Variants in BICC1 observed in about 807,000 individuals in gnomAD.
The protein encoded by BICC1 is BicC family RNA binding protein 1.
In BICC1, 43 loss-of-function variants were observed where a neutral mutation model predicts 111.0. That is an observed-to-expected ratio of 0.39 (90% CI 0.30 to 0.50). The LOEUF (loss-of-function observed/expected upper bound fraction) is 0.50, where lower values mean the gene tolerates loss of function less well. Among genes scored for constraint, BICC1 ranks in the 20% least tolerant of loss-of-function variants. The probability of loss-of-function intolerance (pLI) is 0.88; values close to 1 mark genes in which losing one functional copy is unlikely to be tolerated. For missense variants in BICC1, 1,091 were observed against 1,203.2 expected, an observed-to-expected ratio of 0.91 and a Z score of 1.38; for synonymous variants, 467 against 434.4, an observed-to-expected ratio of 1.07 and a Z score of -0.93.
intron 10 of BICC1, among the ~76,000 whole-genome samples, chr10:58,797,603 C>T (rs931383562): frequency 6.6e-6 from 1 of 152,132 alleles, no homozygotes; most frequent in Non-Finnish European, 1.5e-5. Flanking sequence ...CCTAGTTCAT[C>T]CTGCACTACA....
At chr10:58,624,270 T>C (rs918732207) in intron 2 of BICC1, among the ~76,000 whole-genome samples, 9 of 152,206 alleles carry the variant, frequency 5.9e-5, no homozygotes, top group African/African-American at 2.2e-4. Context: ...GTTCATCTTA[T>C]TATACATCTG....
chr10:58,811,915 C>G (rs1361641016), intron 17 of BICC1, among the ~76,000 whole-genome samples: 23 of 152,130 alleles, frequency 1.5e-4, no homozygotes, highest in Non-Finnish European at 3.2e-4. Context: ...CGGTGAGTTC[C>G]TGAAGCCGAG....
chr10:58,800,107 G>T, intron 12 of BICC1, 87 bp from the exon 13 acceptor site: 1 of 1,056,422 alleles, frequency 9.5e-7, no homozygotes. Flanking sequence ...TCTTTTTCGT[G>T]GCTGTTATAA....
chr10:58,651,467 ATGT>A (rs1427574036), intron 2 of BICC1, among the ~76,000 whole-genome samples: 1 of 152,132 alleles, frequency 6.6e-6, no homozygotes, highest in Non-Finnish European at 1.5e-5. Context: ...TCCTGTTCAG[ATGT>A]TGTTTCTCTC....
chr10:58,593,082 A>G (rs751278541), intron 1 of BICC1, among the ~76,000 whole-genome samples: 1 of 151,850 alleles, frequency 6.6e-6, no homozygotes, highest in Non-Finnish European at 1.5e-5. Context: ...ACCATTGCCT[A>G]TGCTTGAGTA....
chr10:58,710,862 T>G (rs544609292), intron 3 of BICC1, among the ~76,000 whole-genome samples: 1 of 152,236 alleles, frequency 6.6e-6, no homozygotes, highest in Non-Finnish European at 1.5e-5. Flanking sequence ...GTTGTTCTTG[T>G]TTTTGAGATA....
intron 1 of BICC1, among the ~76,000 whole-genome samples, chr10:58,618,635 G>A (rs918598441): frequency 3.9e-5 from 6 of 152,136 alleles, no homozygotes; most frequent in Admixed American, 1.3e-4. Context: ...CGCTTGGTCT[G>A]GAACCTGACA....
chr10:58,601,140 T>TAATATATATATATATAGATA (rs1554810885), intron 1 of BICC1, among the ~76,000 whole-genome samples: 1 of 100,672 alleles, frequency 9.9e-6, no homozygotes, highest in Admixed American at 1.3e-4. Context: ...ATTTTAAAAC[T>TAATATATATATATATAGATA]TATATATATA....
At chr10:58,513,805 T>C (rs1842166911) in intron 1 of BICC1, among the ~76,000 whole-genome samples, 1 of 152,268 alleles carries the variant, frequency 6.6e-6, no homozygotes, top group Admixed American at 6.5e-5. Context: ...TGTCTCACTA[T>C]TGGGAAACGC....
intron 3 of BICC1, among the ~76,000 whole-genome samples, chr10:58,722,032 A>G (rs1840954796): frequency 6.6e-6 from 1 of 152,250 alleles, no homozygotes; most frequent in African/African-American, 2.4e-5. Flanking sequence ...ACTTGACAGT[A>G]ATGAGCTTTA....
At chr10:58,814,184 C>T (rs1245917550) in intron 18 of BICC1, 198 bp downstream of exon 18, 10 of 673,086 alleles carry the variant, frequency 1.5e-5, no homozygotes, top group African/African-American at 3.6e-5. Flanking sequence ...CCATTTTGTG[C>T]GTGCTTTCAC....
chr10:58,789,146 A>G lies in BICC1; in HGVS notation c.601-116A>G, dbSNP rs937580293. ...TATAATGTAGCTAAACTTAATATCTATAAGGGCAGTTTATGCTTTAAAATC... is the reference window on the plus strand; with the variant it reads ...TATAATGTAGCTAAACTTAATATCTGTAAGGGCAGTTTATGCTTTAAAATC... On this transcript the variant is annotated intron_variant, in intron 6 of 20. Coordinates refer to ENST00000373886, the MANE Select transcript of BICC1 (RefSeq NM_001080512.3). The G allele has an allele frequency of 1.5e-5, 13 of 843,312 alleles. No homozygotes were observed. In the East Asian group the frequency reaches 2.3e-4, roughly 15 times the overall value. 52.2% of individuals were successfully genotyped at this position (843,312 alleles called of 1,614,324 possible). A position where few individuals can be genotyped will look rare whatever the true frequency, so the allele number is the denominator to read the frequency against.
intron 1 of BICC1, among the ~76,000 whole-genome samples, chr10:58,518,854 C>T (rs773069066): frequency 1.1e-4 from 16 of 152,106 alleles, no homozygotes; most frequent in Admixed American, 2.0e-4. Context: ...GCAGTAAAAC[C>T]TCACGCTCAC....
Position 58,654,209 on chromosome 10 carries a change from G to T in BICC1, c.237+33308G>T, listed in dbSNP as rs1404693601. Among the ~76,000 whole-genome samples, 6 of 126,640 alleles carry T rather than the reference G, an allele frequency of 4.7e-5. No individual in the cohort carries two copies. The East Asian group carries it at 1.4e-3, about 30-fold the overall frequency. 83.1% of individuals were successfully genotyped at this position (126,640 alleles called of 152,430 possible). A position where few individuals can be genotyped will look rare whatever the true frequency, so the allele number is the denominator to read the frequency against. The stretch of plus-strand genomic sequence containing the variant: ...TGGGTATATACCCAGTAATGGGATG[G>T]CTGGGTCAAATGGTATTTCTAGTTC... On this transcript the variant is annotated intron_variant, in intron 2 of 20. Coordinates refer to ENST00000373886, the MANE Select transcript of BICC1 (RefSeq NM_001080512.3).
chr10:58,513,571 C>T (rs189341200), intron 1 of BICC1, among the ~76,000 whole-genome samples: 42 of 152,324 alleles, frequency 2.8e-4, no homozygotes, highest in African/African-American at 9.4e-4. Context: ...TGACTGGCTT[C>T]AGAAAAGCCG....
At chr10:58,547,063 GCGAGTCCCC>G (rs1217736785) in intron 1 of BICC1, among the ~76,000 whole-genome samples, 4 of 152,124 alleles carry the variant, frequency 2.6e-5, no homozygotes, top group Non-Finnish European at 5.9e-5. Flanking sequence ...ATATAGTACA[GCGAGTCCCC>G]CTATACGCCA....
intron 3 of BICC1, among the ~76,000 whole-genome samples, chr10:58,738,022 C>T (rs1564584271): frequency 6.6e-6 from 1 of 152,110 alleles, no homozygotes. Context: ...CGAAAATGTT[C>T]TCCCATTCTG....
intron 1 of BICC1, among the ~76,000 whole-genome samples, chr10:58,594,632 A>G (rs1001033023): frequency 6.6e-6 from 1 of 152,222 alleles, no homozygotes; most frequent in Non-Finnish European, 1.5e-5. Flanking sequence ...ACTAAGCCTC[A>G]TAAGTGAAGG....
At chr10:58,613,304 A>G (rs1239745578) in intron 1 of BICC1, among the ~76,000 whole-genome samples, 2 of 152,234 alleles carry the variant, frequency 1.3e-5, no homozygotes, top group Non-Finnish European at 1.5e-5. Context: ...TTGTAAAGAC[A>G]GTTTAAGGAA....
Sources: allele counts gnomAD v4.1 joint callset (sites outside exome capture counted in the v4.1 genomes callset), GRCh38; gene constraint gnomAD v4.1.1; transcripts MANE v1.5; gene names NCBI Gene and HGNC (gene_info 2026-07-23, HGNC 2026-07-21).